KCNIP1: variants seen among roughly 807,000 people sequenced by gnomAD.
The protein encoded by KCNIP1 is A-type potassium channel modulatory protein KCNIP1.
KCNIP1 carries 18 observed loss-of-function variants against 33.0 expected under a neutral mutation model. The ratio of observed to expected loss-of-function variants is 0.55; its 90% CI spans 0.38 to 0.81. The LOEUF is 0.81. KCNIP1 is among the 30% of genes least tolerant of loss of function. KCNIP1 has a pLI of 0.00. For synonymous variants in KCNIP1, 93 were observed against 98.3 expected (o/e 0.95, Z 0.32); for missense variants, 238 against 271.6 (o/e 0.88, Z 0.87).
intron 3 of KCNIP1, among the ~76,000 whole-genome samples, chr5:170,721,500 C>T (rs908711991): frequency 2.0e-5 from 3 of 152,144 alleles, no homozygotes; most frequent in African/African-American, 7.2e-5. Flanking sequence ...GGAGTGAGTG[C>T]TCATCCCAGG....
At chr5:170,476,454 TCTC>T (rs1179583893) in intron 1 of KCNIP1, among the ~76,000 whole-genome samples, 1 of 152,224 alleles carries the variant, frequency 6.6e-6, no homozygotes, top group Non-Finnish European at 1.5e-5. Context: ...ATGGTAAACT[TCTC>T]CTCTGTTCCA....
Position 170,474,548 on chromosome 5 carries a change from A to G in KCNIP1, c.88+120584A>G, listed in dbSNP as rs769807940. ...CTATGAGAGAAGTCAGCTTCCATTT[A>G]TCGAGCACCTAGTAAGCACCAGGCC... On this transcript the variant is annotated intron_variant, in intron 1 of 7. Transcript: ENST00000377360. Among the ~76,000 whole-genome samples, 153 of 152,310 alleles carry G rather than the reference A, an allele frequency of 1.0e-3. 1 individual carries two copies. Among genetic ancestry groups the G allele is most frequent in the Non-Finnish European group, 1.8e-3 (120 of 68,022 alleles).
rs550193071 is a variant in KCNIP1, at chr5:170,388,509, A to G, written c.88+34545A>G. On this transcript the variant is annotated intron_variant, in intron 1 of 7. Transcript: ENST00000377360. ...CTAAATATCTCTGAAGTTCCAGGAT[A>G]TATCTTCCCATTTAGAAAGGTCACT... 2.0e-5 allele frequency among the ~76,000 whole-genome samples: 3 copies of G among 152,358 alleles called. No individual in the cohort carries two copies. In the East Asian group the frequency reaches 5.8e-4, roughly 29 times the overall value.
intron 1 of KCNIP1, among the ~76,000 whole-genome samples, chr5:170,469,523 G>A (rs544716492): frequency 6.6e-6 from 1 of 152,222 alleles, no homozygotes; most frequent in South Asian, 2.1e-4. Context: ...TCCCCTCTGG[G>A]TTGTGCCCAA....
At chr5:170,634,033 G>A (rs1462319542) in intron 1 of KCNIP1, among the ~76,000 whole-genome samples, 6 of 151,872 alleles carry the variant, frequency 4.0e-5, no homozygotes, top group Non-Finnish European at 8.8e-5. Context: ...GTGGTTCTGC[G>A]GGTGTTGTGA....
At chr5:170,368,640 C>T (rs375086622) in intron 1 of KCNIP1, among the ~76,000 whole-genome samples, 4 of 152,346 alleles carry the variant, frequency 2.6e-5, no homozygotes, top group African/African-American at 4.8e-5. Context: ...AAACCACAAA[C>T]ATATCATTCA....
At chr5:170,581,417 C>T (rs1581354994) in intron 1 of KCNIP1, among the ~76,000 whole-genome samples, 1 of 152,332 alleles carries the variant, frequency 6.6e-6, no homozygotes, top group East Asian at 1.9e-4. Flanking sequence ...CAGTGACAAA[C>T]AGGATGCACT....
At chr5:170,359,022 G>A (rs1763428509) in intron 1 of KCNIP1, among the ~76,000 whole-genome samples, 1 of 152,178 alleles carries the variant, frequency 6.6e-6, no homozygotes, top group African/African-American at 2.4e-5. Context: ...GCAGCCACCT[G>A]TCATGCAAAG....
At chr5:170,445,438 C>T (rs751717614) in intron 1 of KCNIP1, among the ~76,000 whole-genome samples, 7 of 152,222 alleles carry the variant, frequency 4.6e-5, no homozygotes, top group African/African-American at 9.6e-5. Flanking sequence ...GAGAGGACTG[C>T]GGATCCCGAG....
At chr5:170,523,003 G>C (rs1755421792) in intron 1 of KCNIP1, among the ~76,000 whole-genome samples, 1 of 152,180 alleles carries the variant, frequency 6.6e-6, no homozygotes, top group East Asian at 1.9e-4. Context: ...TACATCAGGA[G>C]ACCCCAGGCA....
chr5:170,550,975 C>G (rs567236622), intron 1 of KCNIP1, among the ~76,000 whole-genome samples: 1 of 152,214 alleles, frequency 6.6e-6, no homozygotes, highest in Admixed American at 6.5e-5. Context: ...CAACAGCCCC[C>G]TCATCTCATT....
chr5:170,676,808 C>G (rs1370087575), intron 1 of KCNIP1, among the ~76,000 whole-genome samples: 1 of 152,304 alleles, frequency 6.6e-6, no homozygotes, highest in Non-Finnish European at 1.5e-5. Context: ...AACAAGCAAG[C>G]TGAGAGCAGC....
chr5:170,392,217 C>A (rs957036066), intron 1 of KCNIP1, among the ~76,000 whole-genome samples: 3 of 152,162 alleles, frequency 2.0e-5, no homozygotes, highest in Non-Finnish European at 4.4e-5. Flanking sequence ...AGAGAACAAG[C>A]CTGCAGACAG....
intron 1 of KCNIP1, among the ~76,000 whole-genome samples, chr5:170,395,731 AG>A (rs1660438554): frequency 6.6e-6 from 1 of 152,160 alleles, no homozygotes; most frequent in African/African-American, 2.4e-5. Flanking sequence ...AGCCTTAGTG[AG>A]TGAGAGAGAG....
At chr5:170,454,146 C>T (rs1756320314) in intron 1 of KCNIP1, among the ~76,000 whole-genome samples, 1 of 152,218 alleles carries the variant, frequency 6.6e-6, no homozygotes, top group South Asian at 2.1e-4. Flanking sequence ...AAGCTTTATT[C>T]CTAGAAGAAT....
chr5:170,564,204 G>T (rs1175810265), intron 1 of KCNIP1, among the ~76,000 whole-genome samples: 1 of 152,046 alleles, frequency 6.6e-6, no homozygotes, highest in Non-Finnish European at 1.5e-5. Flanking sequence ...TGTTTTTAAG[G>T]TACATTGTGT....
At chr5:170,680,190 A>G (rs1762287638) in intron 1 of KCNIP1, among the ~76,000 whole-genome samples, 1 of 152,138 alleles carries the variant, frequency 6.6e-6, no homozygotes, top group African/African-American at 2.4e-5. Context: ...GAGATCTAGG[A>G]ACTTGCCCAA....
chr5:170,516,730 G>A (rs949227437), intron 1 of KCNIP1, among the ~76,000 whole-genome samples: 7 of 152,184 alleles, frequency 4.6e-5, no homozygotes, highest in African/African-American at 1.2e-4. Context: ...CTAGCTTACC[G>A]TTTAGGAGCT....
chr5:170,357,557 GTCTCAT>G (rs1461429479), intron 1 of KCNIP1, among the ~76,000 whole-genome samples: 3 of 152,166 alleles, frequency 2.0e-5, no homozygotes, highest in African/African-American at 7.2e-5. Flanking sequence ...TTGAGGCAGG[GTCTCAT>G]TCTGTTCCCC....
Sources: allele counts gnomAD v4.1 joint callset (sites outside exome capture counted in the v4.1 genomes callset), GRCh38; gene constraint gnomAD v4.1.1; transcripts MANE v1.5; gene names NCBI Gene and HGNC (gene_info 2026-07-23, HGNC 2026-07-21).